The following CYP2B6 variants were observed in gnomAD, a reference collection of about 807,000 sequenced individuals.
CYP2B6 encodes the protein cytochrome P450 2B6.
CYP2B6 carries 35 observed loss-of-function variants against 43.4 expected under a neutral mutation model. The ratio of observed to expected loss-of-function variants is 0.81; its 90% CI spans 0.62 to 1.07. The LOEUF (loss-of-function observed/expected upper bound fraction) is 1.07. Ranked by LOEUF, CYP2B6 falls within the 50% of genes least tolerant of loss-of-function variation. CYP2B6 has a pLI of 0.00. For synonymous variants in CYP2B6, 239 were observed against 239.2 expected, an observed-to-expected ratio of 1.00 and a Z score of 0.01; for missense variants, 624 against 632.8, an observed-to-expected ratio of 0.99 and a Z score of 0.15.
At chr19:40,995,417 C>T (rs538427272) in intron 1 of CYP2B6, among the ~76,000 whole-genome samples, 2 of 152,232 alleles carry the variant, frequency 1.3e-5, no homozygotes, top group African/African-American at 4.8e-5. Context: ...GTACAAGGAA[C>T]AGTCTTAGAA....
At chr19:41,012,227 G>T in intron 6 of CYP2B6, 71 bp from the exon 7 acceptor site, 30 of 1,477,782 alleles carry the variant, frequency 2.0e-5, no homozygotes, top group Non-Finnish European at 2.7e-5. Flanking sequence ...TGGGATTACA[G>T]GCATGAGCCA....
rs1209959748 is a variant in CYP2B6, at chr19:41,012,716, C to A, written c.1195C>A (p.Pro399Thr). The change falls in exon 8 of 9, where the codon CCA (proline) becomes ACA (threonine). Residue 399 changes from proline to threonine, a missense_variant. Physicochemically the swap from Pro to Thr is conservative, Grantham distance 38 (BLOSUM62 -1). Coordinates refer to ENST00000324071, the MANE Select transcript of CYP2B6 (RefSeq NM_000767.5). ...CATCCTGAGCACTGCTCTCCATGAC[C>A]CACACTACTTTGAAAAACCAGACGC... Reference protein sequence around the residue: ...FLILSTALHDPHYFEKPDAFN... With the variant: ...FLILSTALHDTHYFEKPDAFN... 2 of 1,613,926 alleles carry A rather than the reference C, an allele frequency of 1.2e-6. No individual in the cohort carries two copies. The highest frequency in any genetic ancestry group is 2.7e-5 in the African/African-American group (2 of 74,868).
In CYP2B6 at chr19:41,015,602, G is replaced by GCAAGGTGCAA. The variant is rs1184738486; in HGVS notation, c.1295-1044_1295-1043insCAAGGTGCAA. Among the ~76,000 whole-genome samples the GCAAGGTGCAA allele has an allele frequency of 7.9e-5, 12 of 152,290 alleles. No individual in the cohort carries two copies. In the East Asian group the frequency reaches 1.9e-3, roughly 24 times the overall value. On this transcript the variant is annotated intron_variant, in intron 8 of 8. Coordinates refer to ENST00000324071, the MANE Select transcript of CYP2B6 (RefSeq NM_000767.5). Reference sequence around the variant, plus strand: ...CCCAATCTGTGGTTTAGAATCTACTGGGGGTTCCTTGCACCTCTGAGAATC... The same window carrying GCAAGGTGCAA: ...CCCAATCTGTGGTTTAGAATCTACTGCAAGGTGCAAGGGGTTCCTTGCACCTCTGAGAATC...
chr19:41,016,058 A>G (rs534379587), intron 8 of CYP2B6, among the ~76,000 whole-genome samples: 205 of 151,624 alleles, frequency 1.4e-3, no homozygotes, highest in African/African-American at 4.8e-3. Context: ...TGTGGGTTTC[A>G]CCAACCCTTT....
chr19:41,012,561 G>A, intron 7 of CYP2B6, 76 bp downstream of exon 7: 1 of 1,609,164 alleles, frequency 6.2e-7, no homozygotes, highest in Non-Finnish European at 8.5e-7. Flanking sequence ...TCAACCTTTT[G>A]TTAGCTCCTT....
chr19:40,999,247 C>T (rs1301297235), intron 1 of CYP2B6, among the ~76,000 whole-genome samples: 1 of 152,122 alleles, frequency 6.6e-6, no homozygotes, highest in Non-Finnish European at 1.5e-5. Context: ...CTGTTCATGT[C>T]TTTCGCCCAC....
At chr19:40,991,531 G>T (rs1409593321) in intron 1 of CYP2B6, 55 bp downstream of exon 1, 3 of 1,597,892 alleles carry the variant, frequency 1.9e-6, no homozygotes, top group South Asian at 1.1e-5. Context: ...CTTGGTACTT[G>T]GGGAAGCTTC....
intron 1 of CYP2B6, among the ~76,000 whole-genome samples, chr19:40,995,292 A>G (rs1261618572): frequency 6.6e-6 from 1 of 152,192 alleles, no homozygotes; most frequent in Non-Finnish European, 1.5e-5. Flanking sequence ...TCTCCAACAG[A>G]CATACAGTTC....
chr19:41,017,799 C>T lies in CYP2B6; in HGVS notation c.*972C>T, dbSNP rs1335128747. The stretch of plus-strand genomic sequence containing the variant: ...CGGCCCCTGTCAATCTGGTTTTTGT[C>T]ACTATGGACTTACCAATTCTGAATA... On this transcript the variant is annotated 3_prime_UTR_variant, in exon 9 of 9. Transcript: ENST00000324071. The T allele has an allele frequency of 1.3e-5, 2 of 152,064 alleles. No homozygotes were observed. The highest frequency in any genetic ancestry group is 2.9e-5 in the Non-Finnish European group (2 of 68,004). 9.4% of individuals were successfully genotyped at this position (152,064 alleles called of 1,614,324 possible). A position where few individuals can be genotyped will look rare whatever the true frequency, so the allele number is the denominator to read the frequency against.
intron 1 of CYP2B6, among the ~76,000 whole-genome samples, chr19:40,992,023 G>A (rs1220688182): frequency 6.6e-6 from 1 of 151,942 alleles, no homozygotes; most frequent in Non-Finnish European, 1.5e-5. Flanking sequence ...CCAACATGGT[G>A]AAACCTTGTC....
intron 1 of CYP2B6, among the ~76,000 whole-genome samples, chr19:41,002,902 G>C (rs1372789163): frequency 6.6e-6 from 1 of 152,002 alleles, no homozygotes; most frequent in Non-Finnish European, 1.5e-5. Context: ...TTTGTGCCTA[G>C]TTGCTTCCAC....
chr19:41,013,298 C>A (rs1568563670), intron 8 of CYP2B6, among the ~76,000 whole-genome samples: 3 of 152,180 alleles, frequency 2.0e-5, no homozygotes, highest in Non-Finnish European at 4.4e-5. Context: ...GACATGCTCA[C>A]AAGGGCAATT....
rs1969381480 is a variant in CYP2B6, at chr19:41,017,017, T to C, written c.*190T>C. On this transcript the variant is annotated 3_prime_UTR_variant, in exon 9 of 9. Transcript: ENST00000324071. ...AGTGCAGGAGTGAGATTATCGAAAA[T>C]TATAATATACAAAATCATATATATA... is the stretch of plus-strand genomic sequence containing the variant. 1 of 567,404 alleles carries C rather than the reference T, an allele frequency of 1.8e-6. No homozygotes were observed. Among genetic ancestry groups the C allele is most frequent in the Non-Finnish European group, 3.1e-6 (1 of 318,670 alleles). 35.1% of individuals were successfully genotyped at this position (567,404 alleles called of 1,614,324 possible).
chr19:40,999,210 G>A (rs1180468113), intron 1 of CYP2B6, among the ~76,000 whole-genome samples: 1 of 152,132 alleles, frequency 6.6e-6, no homozygotes, highest in Non-Finnish European at 1.5e-5. Context: ...TTTTTTGGCT[G>A]CATAAATGTC....
At chr19:41,003,409 C>T (rs757350611) in intron 1 of CYP2B6, among the ~76,000 whole-genome samples, 3 of 152,090 alleles carry the variant, frequency 2.0e-5, no homozygotes, top group Admixed American at 6.5e-5. Flanking sequence ...TATCATCATC[C>T]TACTCAGAAT....
chr19:41,006,386 A>G, intron 3 of CYP2B6, among the ~76,000 whole-genome samples: 1 of 144,254 alleles, frequency 6.9e-6, no homozygotes, highest in East Asian at 2.1e-4. Flanking sequence ...CTGGTCTTGA[A>G]TTCCTGATCC....
chr19:41,006,570 G>T lies in CYP2B6; in HGVS notation c.485-335G>T, dbSNP rs8192714. ...GAGGTGGGGCCTGAGAGGAGGTGCA[G>T]AGTGAGAACCGGCTGCATGGACTCT... On this transcript the variant is annotated intron_variant, in intron 3 of 8. Transcript: ENST00000324071. 1.4e-4 allele frequency among the ~76,000 whole-genome samples: 22 copies of T among 152,084 alleles called. No individual in the cohort carries two copies. The East Asian group carries it at 3.9e-3, about 27-fold the overall frequency.
intron 1 of CYP2B6, among the ~76,000 whole-genome samples, chr19:40,992,397 T>TG (rs1460081327): frequency 6.6e-6 from 1 of 152,128 alleles, no homozygotes; most frequent in Non-Finnish European, 1.5e-5. Flanking sequence ...GCTCTCAGTA[T>TG]GGAATTCACA....
intron 8 of CYP2B6, among the ~76,000 whole-genome samples, chr19:41,014,765 G>T (rs1969335623): frequency 6.6e-6 from 1 of 151,538 alleles, no homozygotes; most frequent in South Asian, 2.1e-4. Context: ...GCAAACCTCA[G>T]ACAGTATACA....
Sources: allele counts gnomAD v4.1 joint callset (sites outside exome capture counted in the v4.1 genomes callset), GRCh38; gene constraint gnomAD v4.1.1; transcripts MANE v1.5; gene names NCBI Gene and HGNC (gene_info 2026-07-23, HGNC 2026-07-21).